MOK: variants seen among roughly 807,000 people sequenced by gnomAD.
MOK encodes MOK protein kinase.
MOK carries 59 observed loss-of-function variants against 54.2 expected under a neutral mutation model. The observed-to-expected ratio is 1.09, with a 90% CI of 0.88 to 1.35. The LOEUF is 1.35. MOK is among the 40% of genes most tolerant of loss of function. The pLI, the probability that MOK is intolerant of heterozygous loss-of-function variation, is 0.00. For synonymous variants in MOK, 210 were observed against 202.7 expected (o/e 1.04, Z -0.31); for missense variants, 517 against 526.2 (o/e 0.98, Z 0.17).
chr14:102,228,660 T>C (rs191362101), downstream of MOK, among the ~76,000 whole-genome samples: 120 of 145,872 alleles, frequency 8.2e-4, 2 homozygotes, highest in African/African-American at 2.9e-3. Flanking sequence ...GATTGCGCCA[T>C]TGCACTCCAA....
chr14:102,254,053 C>T (rs1471632648), intron 4 of MOK, among the ~76,000 whole-genome samples: 1 of 151,670 alleles, frequency 6.6e-6, no homozygotes, highest in African/African-American at 2.4e-5. Flanking sequence ...GGTACGATCT[C>T]CGCCCACTGC....
intron 7 of MOK, among the ~76,000 whole-genome samples, chr14:102,248,122 G>A (rs1399431108): frequency 2.0e-5 from 3 of 152,070 alleles, no homozygotes; most frequent in Admixed American, 6.5e-5. Flanking sequence ...CGCCAACGGC[G>A]CCCCTCTTCT....
intron 7 of MOK, among the ~76,000 whole-genome samples, chr14:102,241,390 G>A (rs1198335083): frequency 3.3e-5 from 5 of 152,160 alleles, no homozygotes; most frequent in African/African-American, 1.2e-4. Flanking sequence ...TTTCACGTGG[G>A]GAGACTAGCC....
Position 102,229,149 on chromosome 14 carries a change from C to G in MOK, c.*140G>C. 1.1e-6 allele frequency: 1 copy of G among 892,482 alleles called. No homozygotes were observed. The highest frequency in any genetic ancestry group is 1.7e-6 in the Non-Finnish European group (1 of 598,972). The allele number at this position is 892,482 out of a possible 1,614,324, so 55.3% of individuals were successfully genotyped here. A position where few individuals can be genotyped will look rare whatever the true frequency, so the allele number is the denominator to read the frequency against. ...GCCGCGGGTGCGGCAGGGCGCAGGG[C>G]AGCACCCAGAGCCCCGGCCAGCGCG... On this transcript the variant is annotated 3_prime_UTR_variant, in exon 12 of 12. Transcript: ENST00000361847.
Position 102,229,382 on chromosome 14 carries a change from T to TA in MOK, c.1183-17dup, listed in dbSNP as rs1329724771. ...GCGGATCTGTCTGTCAAAGAAAAATTACAGACACAAAATTCAGTGGCGGCC... is the reference window on the plus strand; with the variant it reads ...GCGGATCTGTCTGTCAAAGAAAAATTAACAGACACAAAATTCAGTGGCGGCC... On this transcript the variant is annotated splice_polypyrimidine_tract_variant and intron_variant, in intron 11 of 11. Coordinates refer to ENST00000361847, the MANE Select transcript of MOK (RefSeq NM_014226.3). 3 of 1,614,132 alleles carry TA rather than the reference T, an allele frequency of 1.9e-6. No homozygotes were observed. The highest frequency in any genetic ancestry group is 3.3e-4 in the Middle Eastern group (2 of 6,062).
chr14:102,302,322 C>T (rs1294081454), intron 1 of MOK, among the ~76,000 whole-genome samples: 2 of 151,884 alleles, frequency 1.3e-5, no homozygotes, highest in East Asian at 3.9e-4. Context: ...ATCCACCCAC[C>T]TCAGCCTCTC....
At chr14:102,248,393 A>G (rs1273015037) in intron 7 of MOK, among the ~76,000 whole-genome samples, 1 of 146,636 alleles carries the variant, frequency 6.8e-6, no homozygotes, top group Admixed American at 6.8e-5. Context: ...AGCATAAACA[A>G]ACTTTCCCTA....
chr14:102,218,683 G>A, the MOK span, among the ~76,000 whole-genome samples: 1 of 151,890 alleles, frequency 6.6e-6, no homozygotes, highest in African/African-American at 2.4e-5. Context: ...TCTCTAGCGG[G>A]AATAAAACAG....
chr14:102,284,649 T>C (rs1463495149), intron 1 of MOK, among the ~76,000 whole-genome samples: 1 of 152,182 alleles, frequency 6.6e-6, no homozygotes, highest in Non-Finnish European at 1.5e-5. Context: ...CCTTCTCCAT[T>C]GAACAAATGG....
At chr14:102,254,760 G>C (rs1036885101) in intron 4 of MOK, among the ~76,000 whole-genome samples, 4 of 152,132 alleles carry the variant, frequency 2.6e-5, no homozygotes, top group African/African-American at 9.7e-5. Context: ...TTGGGTCCTC[G>C]CTTCGAGAAC....
intron 4 of MOK, among the ~76,000 whole-genome samples, chr14:102,254,677 CAT>C (rs1265842202): frequency 2.6e-5 from 4 of 152,198 alleles, no homozygotes; most frequent in Admixed American, 6.5e-5. Flanking sequence ...TCTCCACCCA[CAT>C]GTCTGATTCA....
intron 1 of MOK, among the ~76,000 whole-genome samples, chr14:102,296,202 C>T (rs1008626537): frequency 2.7e-5 from 4 of 149,230 alleles, no homozygotes; most frequent in Non-Finnish European, 4.4e-5. Flanking sequence ...GCCAAAATCA[C>T]GCCACTGCAC....
chr14:102,259,378 T>C lies in MOK; in HGVS notation c.283+4168A>G, dbSNP rs184927346. Among the ~76,000 whole-genome samples the C allele has an allele frequency of 3.9e-5, 6 of 152,270 alleles. No individual in the cohort carries two copies. In the East Asian group the frequency reaches 1.2e-3, roughly 29 times the overall value. ...ATCATCATCAATAACCGTAAATAAT[T>C]AGGTGCCTCTGTTCATTTAAGGCAC... is the stretch of plus-strand genomic sequence containing the variant. On this transcript the variant is annotated intron_variant, in intron 4 of 11. Transcript: ENST00000361847.
downstream of MOK, chr14:102,224,415 C>A (rs763557660): frequency 5.4e-6 from 2 of 371,984 alleles, no homozygotes; most frequent in Admixed American, 6.8e-5. Context: ...ACCTGCTCAG[C>A]GAGTTACTGG....
Position 102,265,912 on chromosome 14 carries a change from A to G in MOK, c.123T>C (p.Ser41=). The G allele has an allele frequency of 6.2e-7, 1 of 1,610,756 alleles. No individual in the cohort carries two copies. Among genetic ancestry groups the G allele is most frequent in the East Asian group, 2.2e-5 (1 of 44,846 alleles). ...CTCGTAGGTTGTTGACTTGCTCAAT[A>G]CTATCGTGTAGGTAAAAATGGATAG... is the stretch of plus-strand genomic sequence containing the variant. The part of the protein sequence containing the change: ...ACKQMKQRFE[S]IEQVNNLREI... Residue 41 remains serine (S), a splice_region_variant and synonymous_variant, in exon 3 of 12, where the codon AGT becomes AGC. Transcript: ENST00000361847.
At chr14:102,292,850 G>A (rs144757179) in intron 1 of MOK, among the ~76,000 whole-genome samples, 1 of 151,980 alleles carries the variant, frequency 6.6e-6, no homozygotes, top group Non-Finnish European at 1.5e-5. Flanking sequence ...CAGCCACATT[G>A]AGGCTGGGTG....
rs772992147 is a variant in MOK at position 102,285,743 on chromosome 14, T to G, written c.8-2151A>C. The stretch of plus-strand genomic sequence containing the variant: ...CACGTCTCTACTAAAAATACAAAAA[T>G]TAGCTGGATGTGATGGTGCGCACCT... On this transcript the variant is annotated intron_variant, in intron 1 of 11. Coordinates refer to ENST00000361847, the MANE Select transcript of MOK (RefSeq NM_014226.3). Among the ~76,000 whole-genome samples, 202 of 151,728 alleles carry G rather than the reference T, an allele frequency of 1.3e-3. 2 individuals are homozygous for G. The highest frequency in any genetic ancestry group is 1.9e-3 in the Non-Finnish European group (126 of 67,882).
chr14:102,229,079 G>GT lies in MOK; in HGVS notation c.*209dup, dbSNP rs1198341254. ...TGAAAGAAAACCCTAGAATGCGGTG[G>GT]TTTTACAAGTATATTAGCCCAGAAC... On this transcript the variant is annotated 3_prime_UTR_variant, in exon 12 of 12. Transcript: ENST00000361847. The GT allele has an allele frequency of 1.7e-5, 9 of 520,632 alleles. No homozygotes were observed. In the African/African-American group the frequency reaches 1.8e-4, roughly 10 times the overall value. 32.3% of individuals were successfully genotyped at this position (520,632 alleles called of 1,614,324 possible).
intron 7 of MOK, among the ~76,000 whole-genome samples, chr14:102,247,918 ATTC>A (rs919837892): frequency 6.6e-6 from 1 of 152,162 alleles, no homozygotes; most frequent in African/African-American, 2.4e-5. Context: ...AGCCATAACC[ATTC>A]TTCTTTTTCT....
Sources: allele counts gnomAD v4.1 joint callset (sites outside exome capture counted in the v4.1 genomes callset), GRCh38; gene constraint gnomAD v4.1.1; transcripts MANE v1.5; gene names NCBI Gene and HGNC (gene_info 2026-07-23, HGNC 2026-07-21).